PTPRN2: variants seen among roughly 807,000 people sequenced by gnomAD.
The protein encoded by PTPRN2 is receptor-type tyrosine-protein phosphatase N2.
Under a neutral mutation model 118.8 loss-of-function variants are expected in PTPRN2, and 74 were observed. The observed-to-expected ratio is 0.62, with a 90% CI of 0.52 to 0.76. The LOEUF (loss-of-function observed/expected upper bound fraction) is 0.76, where lower values mean the gene tolerates loss of function less well. PTPRN2 is among the 30% of genes least tolerant of loss of function. The probability of loss-of-function intolerance (pLI) is 0.00; values close to 1 mark genes in which losing one functional copy is unlikely to be tolerated. For synonymous variants in PTPRN2, 641 were observed against 608.0 expected, an observed-to-expected ratio of 1.05 and a Z score of -0.80; for missense variants, 1,481 against 1,394.4, an observed-to-expected ratio of 1.06 and a Z score of -0.99.
chr7:158,243,457 T>A (rs1040910421), intron 3 of PTPRN2, among the ~76,000 whole-genome samples: 3 of 152,218 alleles, frequency 2.0e-5, no homozygotes, highest in Non-Finnish European at 4.4e-5. Context: ...GAAAAAAAGA[T>A]CTGTCTGGTT....
At chr7:158,403,701 C>A (rs1000666301) in intron 2 of PTPRN2, among the ~76,000 whole-genome samples, 26 of 152,168 alleles carry the variant, frequency 1.7e-4, no homozygotes, top group African/African-American at 4.1e-4. Context: ...GTCTGAGGAT[C>A]GCACACCAAG....
At chr7:157,941,256 C>A (rs1321902055) in intron 11 of PTPRN2, among the ~76,000 whole-genome samples, 3 of 77,696 alleles carry the variant, frequency 3.9e-5, no homozygotes, top group Admixed American at 1.3e-4. Context: ...CACTGCAAAT[C>A]TAACACCCTC....
At chr7:158,028,402 C>T (rs1460866400) in intron 11 of PTPRN2, 1 of 152,396 alleles carries the variant, frequency 6.6e-6, no homozygotes, top group Non-Finnish European at 1.5e-5. Flanking sequence ...GCGGCCAGGC[C>T]CCACCGGTTT....
At chr7:157,696,038 C>G (rs1797754000) in intron 12 of PTPRN2, among the ~76,000 whole-genome samples, 1 of 145,188 alleles carries the variant, frequency 6.9e-6, no homozygotes, top group African/African-American at 2.6e-5. Flanking sequence ...TCACCATCTA[C>G]CCATGCATAC....
chr7:158,031,255 T>G (rs931740338), intron 11 of PTPRN2: 1 of 152,254 alleles, frequency 6.6e-6, no homozygotes, highest in African/African-American at 2.4e-5. Flanking sequence ...CTCACCGTGA[T>G]GGAGACATCA....
chr7:157,877,919 A>C (rs1487919512), intron 12 of PTPRN2, among the ~76,000 whole-genome samples: 5 of 152,246 alleles, frequency 3.3e-5, no homozygotes, highest in Non-Finnish European at 2.9e-5. Flanking sequence ...GTGAGATTTT[A>C]AAATGTGTGT....
chr7:157,907,771 C>G (rs1797862248), intron 11 of PTPRN2, among the ~76,000 whole-genome samples: 2 of 152,116 alleles, frequency 1.3e-5, no homozygotes, highest in South Asian at 4.1e-4. Context: ...TCAGGCTTCT[C>G]TTTTCCACCC....
At chr7:158,258,250 G>A (rs1412607206) in intron 3 of PTPRN2, among the ~76,000 whole-genome samples, 1 of 152,184 alleles carries the variant, frequency 6.6e-6, no homozygotes, top group Non-Finnish European at 1.5e-5. Flanking sequence ...GCTCCAGGGT[G>A]AACACAGGCC....
intron 2 of PTPRN2, among the ~76,000 whole-genome samples, chr7:158,478,342 C>T (rs1266279774): frequency 1.3e-5 from 2 of 152,088 alleles, no homozygotes; most frequent in Admixed American, 6.5e-5. Context: ...CTGGAAGGGG[C>T]GTGAAAGCAC....
At position 157,801,714 on chromosome 7, in the gene PTPRN2, CAGGA is replaced by C. The variant is rs1805315487; in HGVS notation, c.1788+96955_1788+96958del. On this transcript the variant is annotated intron_variant, in intron 12 of 22. Transcript: ENST00000389418. The surrounding 1 kb of genome is among the most constrained non-coding windows in gnomAD (Gnocchi z 4.2). ...CCAAATGATATTTAAGAAAAATTCA[CAGGA>C]GAGGCGGCTGCTGAATGCCTCCACC... is the stretch of plus-strand genomic sequence containing the variant. Among the ~76,000 whole-genome samples, 2 of 152,160 alleles carry C rather than the reference CAGGA, an allele frequency of 1.3e-5. No individual in the cohort carries two copies. Among genetic ancestry groups the C allele is most frequent in the African/African-American group, 4.8e-5 (2 of 41,444 alleles).
rs1796389014 is a variant in PTPRN2 at position 157,671,112 on chromosome 7, C to T, written c.2001+11613G>A. On this transcript the variant is annotated intron_variant, in intron 13 of 22. Transcript: ENST00000389418. The surrounding 1 kb of genome is among the most constrained non-coding windows in gnomAD (Gnocchi z 4.1). ...AGGGTTTACATGCTCCCCCGCCCCC[C>T]GTCCCCTGCCCACAGACCTGCTCTT... Among the ~76,000 whole-genome samples the T allele has an allele frequency of 6.9e-6, 1 of 144,208 alleles. No homozygotes were observed. The highest frequency in any genetic ancestry group is 2.2e-4 in the East Asian group (1 of 4,528). The allele number at this position is 144,208 out of a possible 152,430, so 94.6% of individuals were successfully genotyped here.
chr7:157,663,525 C>T lies in PTPRN2; in HGVS notation c.2002-6974G>A, dbSNP rs549458561. Among the ~76,000 whole-genome samples, 4 of 152,348 alleles carry T rather than the reference C, an allele frequency of 2.6e-5. 1 individual carries two copies. Among genetic ancestry groups the T allele is most frequent in the Admixed American group, 2.6e-4 (4 of 15,312 alleles). On this transcript the variant is annotated intron_variant, in intron 13 of 22. Transcript: ENST00000389418. ...CTCCCTCCAAGGACGGGGGCTGGGA[C>T]GTTTGGCCGCTGCCTCTCCCACTCA...
At chr7:157,648,538 T>A (rs528336783) in intron 14 of PTPRN2, among the ~76,000 whole-genome samples, 85 of 68,238 alleles carry the variant, frequency 1.2e-3, no homozygotes, top group Admixed American at 2.1e-3. Flanking sequence ...GGTCAGACCC[T>A]TTCACTGTGC....
chr7:158,062,295 C>G (rs532809907), intron 11 of PTPRN2, among the ~76,000 whole-genome samples: 4 of 152,242 alleles, frequency 2.6e-5, no homozygotes, highest in Non-Finnish European at 4.4e-5. Context: ...CTGTGGACAC[C>G]AGCCAGGGCT....
At chr7:157,940,738 CAT>C (rs1800020521) in intron 11 of PTPRN2, among the ~76,000 whole-genome samples, 1 of 65,744 alleles carries the variant, frequency 1.5e-5, no homozygotes, top group Middle Eastern at 8.8e-3. Flanking sequence ...CGCCCTGCCC[CAT>C]GACACTGCAA....
At chr7:157,790,321 C>T (rs925317019) in intron 12 of PTPRN2, among the ~76,000 whole-genome samples, 4 of 149,324 alleles carry the variant, frequency 2.7e-5, no homozygotes, top group African/African-American at 7.4e-5. Context: ...GTGTGTGGTG[C>T]GGGGGTGGCA....
chr7:158,201,740 G>A (rs780204322), intron 4 of PTPRN2, among the ~76,000 whole-genome samples: 13 of 152,170 alleles, frequency 8.5e-5, no homozygotes, highest in Admixed American at 6.5e-5. Context: ...ATTGATCCCA[G>A]GTCTTCAGAT....
intron 17 of PTPRN2, among the ~76,000 whole-genome samples, chr7:157,584,271 T>TAC (rs1462196210): frequency 6.6e-6 from 1 of 152,230 alleles, no homozygotes; most frequent in Non-Finnish European, 1.5e-5. Flanking sequence ...CTGCCTGTGT[T>TAC]AGTCTTGTCT....
chr7:158,481,100 A>C (rs1418180054), intron 2 of PTPRN2, among the ~76,000 whole-genome samples: 1 of 152,264 alleles, frequency 6.6e-6, no homozygotes, highest in Non-Finnish European at 1.5e-5. Flanking sequence ...CAAAGCTTCA[A>C]AGCACAGGCT....
Sources: allele counts gnomAD v4.1 joint callset (sites outside exome capture counted in the v4.1 genomes callset), GRCh38; gene constraint gnomAD v4.1.1; non-coding constraint Gnocchi (gnomAD v3.1); transcripts MANE v1.5; gene names NCBI Gene and HGNC (gene_info 2026-07-23, HGNC 2026-07-21).